The following CTTNBP2 variants were observed in gnomAD, a reference collection of about 807,000 sequenced individuals.
CTTNBP2 encodes the protein cortactin-binding protein 2.
A neutral mutation model predicts 156.9 loss-of-function variants in CTTNBP2; 108 were observed. That is an observed-to-expected ratio of 0.69 (90% CI 0.59 to 0.81). The LOEUF (loss-of-function observed/expected upper bound fraction) is 0.81. Among genes scored for constraint, CTTNBP2 ranks in the 30% least tolerant of loss-of-function variants. The pLI, the probability that CTTNBP2 is intolerant of heterozygous loss-of-function variation, is 0.00. For synonymous variants in CTTNBP2, 767 were observed against 751.8 expected (o/e 1.02, Z -0.33); for missense variants, 1,924 against 2,035.4 (o/e 0.95, Z 1.05).
chr7:117,734,859 T>C, intron 16 of CTTNBP2, 54 bp downstream of exon 16: 2 of 1,435,332 alleles, frequency 1.4e-6, no homozygotes, highest in Non-Finnish European at 1.9e-6. Flanking sequence ...TGAGATCTCC[T>C]GACAACAAAA....
At chr7:117,713,844 TGGTTTGGGAAA>T (rs1794191365) in intron 22 of CTTNBP2, 1 of 152,242 alleles carries the variant, frequency 6.6e-6, no homozygotes, top group African/African-American at 2.4e-5. Flanking sequence ...ACTTGGCTAG[TGGTTTGGGAAA>T]ATATAAAAAC....
At chr7:117,741,164 T>G (rs766960142) in intron 14 of CTTNBP2, among the ~76,000 whole-genome samples, 9 of 152,154 alleles carry the variant, frequency 5.9e-5, no homozygotes, top group Non-Finnish European at 1.3e-4. Flanking sequence ...AGGTTAATGA[T>G]GAGGCCTCTA....
chr7:117,779,484 C>T (rs1485148190), intron 7 of CTTNBP2, among the ~76,000 whole-genome samples: 1 of 152,054 alleles, frequency 6.6e-6, no homozygotes, highest in African/African-American at 2.4e-5. Context: ...TAGGATGTGA[C>T]TAATTTTTAT....
At chr7:117,730,627 C>T (rs745984200) in intron 16 of CTTNBP2, among the ~76,000 whole-genome samples, 13 of 152,168 alleles carry the variant, frequency 8.5e-5, no homozygotes, top group African/African-American at 2.2e-4. Flanking sequence ...TTGGAAGGCA[C>T]GGACTCAGAC....
chr7:117,809,365 A>G (rs1800132258), intron 3 of CTTNBP2, among the ~76,000 whole-genome samples: 1 of 152,226 alleles, frequency 6.6e-6, no homozygotes, highest in Non-Finnish European at 1.5e-5. Flanking sequence ...AACACAATAT[A>G]AAGTCCAGCA....
intron 22 of CTTNBP2, among the ~76,000 whole-genome samples, chr7:117,715,480 A>AAAG (rs1280854938): frequency 6.6e-6 from 1 of 150,872 alleles, no homozygotes; most frequent in African/African-American, 2.4e-5. Context: ...GAAGTTAAAA[A>AAAG]AAAAAAAAAA....
intron 11 of CTTNBP2, 38 bp from the exon 12 acceptor site, chr7:117,756,672 C>A (rs1384209703): frequency 7.8e-7 from 1 of 1,277,166 alleles, no homozygotes; most frequent in South Asian, 1.2e-5. Context: ...TGGGTGTTCC[C>A]TTGTTAAATA....
At chr7:117,866,931 T>C (rs988176880) in intron 1 of CTTNBP2, among the ~76,000 whole-genome samples, 18 of 152,276 alleles carry the variant, frequency 1.2e-4, no homozygotes, top group African/African-American at 4.1e-4. Flanking sequence ...TAAGCAAGAT[T>C]TATGCTTTGG....
chr7:117,833,088 G>C (rs939870985), intron 2 of CTTNBP2, among the ~76,000 whole-genome samples: 4 of 151,984 alleles, frequency 2.6e-5, no homozygotes, highest in Non-Finnish European at 5.9e-5. Flanking sequence ...CATACATCAA[G>C]CCACTATCTC....
intron 1 of CTTNBP2, among the ~76,000 whole-genome samples, chr7:117,863,961 C>T (rs1803938648): frequency 6.6e-6 from 1 of 152,092 alleles, no homozygotes; most frequent in Non-Finnish European, 1.5e-5. Context: ...ATTAATGATG[C>T]TGCTGGTTGC....
At chr7:117,727,817 T>A (rs1250286773) in intron 17 of CTTNBP2, among the ~76,000 whole-genome samples, 1 of 152,210 alleles carries the variant, frequency 6.6e-6, no homozygotes, top group Non-Finnish European at 1.5e-5. Context: ...ATGTGGTACC[T>A]CACTCAGGAG....
At chr7:117,832,101 A>G (rs1403420885) in intron 2 of CTTNBP2, among the ~76,000 whole-genome samples, 1 of 151,984 alleles carries the variant, frequency 6.6e-6, no homozygotes. Flanking sequence ...TTTACCTCCC[A>G]CATTCCATGC....
At chr7:117,780,345 A>AAATAGAGGTT in intron 7 of CTTNBP2, 96 bp downstream of exon 7, 1 of 814,456 alleles carries the variant, frequency 1.2e-6, no homozygotes. Context: ...AAATAAAGCA[A>AAATAGAGGTT]CCTCTATTTT....
intron 4 of CTTNBP2, among the ~76,000 whole-genome samples, chr7:117,788,112 C>T (rs1176158138): frequency 3.3e-5 from 5 of 152,040 alleles, no homozygotes; most frequent in Non-Finnish European, 5.9e-5. Context: ...GTAGCTGGGA[C>T]CACAGGCACA....
intron 3 of CTTNBP2, 22 bp downstream of exon 3, chr7:117,810,743 G>C: frequency 6.3e-7 from 1 of 1,592,090 alleles, no homozygotes; most frequent in Non-Finnish European, 8.6e-7. Flanking sequence ...TGGGGAAAAT[G>C]ACCATTTGAA....
intron 16 of CTTNBP2, among the ~76,000 whole-genome samples, chr7:117,730,672 G>A (rs1795351030): frequency 6.6e-6 from 1 of 152,144 alleles, no homozygotes; most frequent in Non-Finnish European, 1.5e-5. Context: ...GGACTCTACT[G>A]GTTTTTTTCT....
intron 4 of CTTNBP2, 138 bp downstream of exon 4, chr7:117,790,986 AAGAG>A (rs756799547): frequency 3.0e-5 from 21 of 694,272 alleles, no homozygotes; most frequent in Non-Finnish European, 4.3e-5. Flanking sequence ...AATACAAAAA[AAGAG>A]AGAGAAAGAA....
Position 117,777,722 on chromosome 7 carries a change from A to C in CTTNBP2, c.2567T>G (p.Val856Gly). ...PVHAAVDTGN[V>G]DSLKLLMYHR... The stretch of plus-strand genomic sequence containing the variant: ...GTACATAAGAAGCTTGAGGCTGTCC[A>C]CATTACCAGTGTCCACAGCTGCGTG... Residue 856 changes from valine (V) to glycine (G), a missense_variant, in exon 8 of 23, where the codon GTG (valine) becomes GGG (glycine). Transcript: ENST00000160373. 1 of 1,614,042 alleles carries C rather than the reference A, an allele frequency of 6.2e-7. No homozygotes were observed. Among genetic ancestry groups the C allele is most frequent in the Non-Finnish European group, 8.5e-7 (1 of 1,179,900 alleles).
intron 7 of CTTNBP2, among the ~76,000 whole-genome samples, chr7:117,780,166 G>T (rs73475461): frequency 0.012 from 1,898 of 152,222 alleles, 34 homozygotes; most frequent in African/African-American, 0.043. Context: ...TCCCTTGTCT[G>T]CCCTAGTTCT....
Sources: allele counts gnomAD v4.1 joint callset (sites outside exome capture counted in the v4.1 genomes callset), GRCh38; gene constraint gnomAD v4.1.1; transcripts MANE v1.5; gene names NCBI Gene and HGNC (gene_info 2026-07-23, HGNC 2026-07-21).